Variants in PHF24 observed in about 807,000 individuals in gnomAD.
PHF24 encodes the protein Galpha inhibitory interacting protein.
Under a neutral mutation model 42.6 loss-of-function variants are expected in PHF24, and 25 were observed. The ratio of observed to expected loss-of-function variants is 0.59; its 90% CI spans 0.43 to 0.82. The LOEUF is 0.82. Among genes scored for constraint, PHF24 ranks in the 40% least tolerant of loss-of-function variants. PHF24 has a pLI of 0.00. For synonymous variants in PHF24, 185 were observed against 204.8 expected (o/e 0.90, Z 0.83); for missense variants, 470 against 538.1 (o/e 0.87, Z 1.25).
chr9:34,665,949 G>A, the PHF24 span: 1 of 513,972 alleles, frequency 1.9e-6, no homozygotes, highest in African/African-American at 1.9e-5. Flanking sequence ...TTGGGGCCCT[G>A]GGTGAGGATT....
At chr9:34,878,599 A>G in the PHF24 span, among the ~76,000 whole-genome samples, 3 of 152,340 alleles carry the variant, frequency 2.0e-5, no homozygotes, top group South Asian at 2.1e-4. Flanking sequence ...TCCCACGCCC[A>G]TGGAGCCTCA....
At chr9:34,822,122 A>T in the PHF24 span, among the ~76,000 whole-genome samples, 1 of 152,224 alleles carries the variant, frequency 6.6e-6, no homozygotes, top group Admixed American at 6.5e-5. Flanking sequence ...ACGTAACCTG[A>T]CATTATCATT....
the PHF24 span, among the ~76,000 whole-genome samples, chr9:34,896,068 A>G: frequency 1.3e-5 from 2 of 152,080 alleles, no homozygotes; most frequent in African/African-American, 2.4e-5. Context: ...CTTTACTACA[A>G]TGGCCTGACA....
At chr9:34,740,841 G>A in the PHF24 span, among the ~76,000 whole-genome samples, 5 of 151,960 alleles carry the variant, frequency 3.3e-5, no homozygotes, top group Admixed American at 1.3e-4. Context: ...ATATGGTCTC[G>A]TATGTAAGTG....
Position 34,960,380 on chromosome 9 carries a change from ATTTT to A in PHF24, c.-5+1984_-5+1987del, listed in dbSNP as rs944809090. 3.9e-5 allele frequency among the ~76,000 whole-genome samples: 6 copies of A among 152,158 alleles called. No homozygotes were observed. The East Asian group carries it at 1.2e-3, about 29-fold the overall frequency. On this transcript the variant is annotated intron_variant, in intron 1 of 7. Transcript: ENST00000242315. Reference sequence around the variant, plus strand: ...AACAACATAGTTTACCAGTTGTTAGATTTTTTTTCTTTTAACTCAGTGATGCTAC... The same window carrying A: ...AACAACATAGTTTACCAGTTGTTAGATTTTCTTTTAACTCAGTGATGCTAC...
At chr9:34,679,805 C>A in the PHF24 span, among the ~76,000 whole-genome samples, 1 of 152,188 alleles carries the variant, frequency 6.6e-6, no homozygotes, top group Non-Finnish European at 1.5e-5. Flanking sequence ...GCACAACTAC[C>A]AAAAATAGCA....
At chr9:34,699,013 C>T in the PHF24 span, among the ~76,000 whole-genome samples, 1 of 152,198 alleles carries the variant, frequency 6.6e-6, no homozygotes, top group African/African-American at 2.4e-5. Flanking sequence ...GGCCTTGGGG[C>T]CCTGGTCTAA....
At chr9:34,956,080 A>G (rs1826363866), upstream of PHF24, among the ~76,000 whole-genome samples, 1 of 152,100 alleles carries the variant, frequency 6.6e-6, no homozygotes, top group African/African-American at 2.4e-5. Flanking sequence ...TGGAACTTCC[A>G]TTGTATTTCA....
chr9:34,796,193 C>G, the PHF24 span, among the ~76,000 whole-genome samples: 1 of 151,886 alleles, frequency 6.6e-6, no homozygotes, highest in Non-Finnish European at 1.5e-5. Flanking sequence ...AAAACTTAAC[C>G]TAAACTTCTC....
the PHF24 span, among the ~76,000 whole-genome samples, chr9:34,859,775 T>G: frequency 6.6e-5 from 10 of 152,226 alleles, no homozygotes; most frequent in Admixed American, 1.3e-4. Context: ...AGGCCTTTGT[T>G]GCTACTTTAC....
At chr9:34,781,455 C>T in the PHF24 span, among the ~76,000 whole-genome samples, 48 of 152,078 alleles carry the variant, frequency 3.2e-4, no homozygotes, top group Middle Eastern at 3.4e-3. Flanking sequence ...GCAAGGAGAG[C>T]GGGGAATTAT....
At chr9:34,691,447 CT>C in the PHF24 span, among the ~76,000 whole-genome samples, 1 of 152,174 alleles carries the variant, frequency 6.6e-6, no homozygotes, top group Non-Finnish European at 1.5e-5. Flanking sequence ...CTTTCCTTGG[CT>C]CCTGCTCTGA....
the PHF24 span, among the ~76,000 whole-genome samples, chr9:34,905,976 C>T: frequency 1.5e-4 from 23 of 151,872 alleles, no homozygotes; most frequent in South Asian, 2.1e-4. Context: ...TAGGTATAAA[C>T]GTCTGTGTGG....
chr9:34,963,994 C>A lies in PHF24; in HGVS notation c.-5+5593C>A, dbSNP rs145547560. 3.5e-3 allele frequency among the ~76,000 whole-genome samples: 540 copies of A among 152,328 alleles called. 9 individuals carry two copies. The highest frequency in any genetic ancestry group is 0.024 in the Admixed American group (368 of 15,308). On this transcript the variant is annotated intron_variant, in intron 1 of 7. Transcript: ENST00000242315. ...TCAACAAAGATTTAAGAGGCTAAAA[C>A]CCTTAATGCTTAATGGAGATGATCA...
At chr9:34,816,134 A>C in the PHF24 span, among the ~76,000 whole-genome samples, 1 of 151,178 alleles carries the variant, frequency 6.6e-6, no homozygotes, top group African/African-American at 2.4e-5. Context: ...TTTAGGGTAA[A>C]CTTTTGCAAT....
chr9:34,807,311 A>G, the PHF24 span, among the ~76,000 whole-genome samples: 1 of 152,202 alleles, frequency 6.6e-6, no homozygotes, highest in Non-Finnish European at 1.5e-5. Flanking sequence ...GCCTCTGCCA[A>G]CGGGATTGCT....
chr9:34,867,619 A>T, the PHF24 span, among the ~76,000 whole-genome samples: 1 of 152,014 alleles, frequency 6.6e-6, no homozygotes, highest in African/African-American at 2.4e-5. Context: ...ACCGCAGAGG[A>T]TAGGGACTCC....
chr9:34,687,119 T>A, the PHF24 span, among the ~76,000 whole-genome samples: 18 of 151,844 alleles, frequency 1.2e-4, no homozygotes, highest in South Asian at 2.1e-4. Context: ...GTAGAAGGGG[T>A]GGGGAGGGTT....
At chr9:34,892,936 G>T in the PHF24 span, 3 of 685,236 alleles carry the variant, frequency 4.4e-6, no homozygotes, top group Admixed American at 4.3e-5. Flanking sequence ...ATTTCGGGGA[G>T]CCCAGATCCT....
Sources: allele counts gnomAD v4.1 joint callset (sites outside exome capture counted in the v4.1 genomes callset), GRCh38; gene constraint gnomAD v4.1.1; transcripts MANE v1.5; gene names NCBI Gene and HGNC (gene_info 2026-07-23, HGNC 2026-07-21).